Variants in EPHB6 observed in about 807,000 individuals in gnomAD.
EPHB6 encodes ephrin type-B receptor 6.
In EPHB6, 51 loss-of-function variants were observed where a neutral mutation model predicts 107.0. The ratio of observed to expected loss-of-function variants is 0.48; its 90% CI spans 0.38 to 0.60. EPHB6 has a LOEUF of 0.60. Ranked by LOEUF, EPHB6 falls within the 20% of genes least tolerant of loss-of-function variation. The pLI is 0.00. For synonymous variants in EPHB6, 553 were observed against 549.0 expected (o/e 1.01, Z -0.10); for missense variants, 1,141 against 1,355.5 (o/e 0.84, Z 2.48).
In EPHB6 at chr7:142,871,087, A is replaced by C; in HGVS notation, c.*183A>C. ...CTCCTCATTAAAGGGAAAGAAGGGA[A>C]TTTGCAGGTTTGGTGTGGTGAGGCC... On this transcript the variant is annotated 3_prime_UTR_variant, in exon 20 of 20. Coordinates refer to ENST00000652003, the MANE Select transcript of EPHB6 (RefSeq NM_004445.6). 2.9e-6 allele frequency: 2 copies of C among 695,120 alleles called. No individual in the cohort carries two copies. Among genetic ancestry groups the C allele is most frequent in the Non-Finnish European group, 5.0e-6 (2 of 396,300 alleles). 43.1% of individuals were successfully genotyped at this position (695,120 alleles called of 1,614,324 possible). A position where few individuals can be genotyped will look rare whatever the true frequency, so the allele number is the denominator to read the frequency against.
chr7:142,869,702 G>C lies in EPHB6; in HGVS notation c.2461-115G>C. The C allele has an allele frequency of 8.1e-7, 1 of 1,234,754 alleles. No individual in the cohort carries two copies. The highest frequency in any genetic ancestry group is 1.2e-6 in the Non-Finnish European group (1 of 861,046). 76.5% of individuals were successfully genotyped at this position (1,234,754 alleles called of 1,614,324 possible). A position where few individuals can be genotyped will look rare whatever the true frequency, so the allele number is the denominator to read the frequency against. ...ATCCACCTTAGAGGGTTGTTATGAG[G>C]ATTAAATGAGATGCTTGATGTAAAA... On this transcript the variant is annotated intron_variant, in intron 16 of 19. Transcript: ENST00000652003. This position sits in a 1 kb window ranked among gnomAD's most constrained non-coding sequence, Gnocchi z 4.5.
rs1056923656 is a variant in EPHB6, at chr7:142,868,845, C to T, written c.2286+106C>T. On this transcript the variant is annotated intron_variant, in intron 15 of 19. Coordinates refer to ENST00000652003, the MANE Select transcript of EPHB6 (RefSeq NM_004445.6). This position sits in a 1 kb window ranked among gnomAD's most constrained non-coding sequence, Gnocchi z 4.2. ...TTACCACCCCACCTTCCATGGTCTC[C>T]GTCCTTCCTTCCCAGCCATTTTCTG... 56 of 1,599,994 alleles carry T rather than the reference C, an allele frequency of 3.5e-5. 1 individual carries two copies. The highest frequency in any genetic ancestry group is 4.3e-5 in the Non-Finnish European group (51 of 1,174,092).
In EPHB6 at chr7:142,870,246, G is replaced by GC; in HGVS notation, c.2648dup (p.Pro884AlafsTer27). 2 of 1,614,200 alleles carry GC rather than the reference G, an allele frequency of 1.2e-6. No homozygotes were observed. The highest frequency in any genetic ancestry group is 2.2e-5 in the South Asian group (2 of 91,086). ...ATGCAATAGAGCAGGAGTTCCGGCT[G>GC]CCCCCGCCTCCAGGCTGTCCTCCTG... On this transcript the variant is annotated frameshift_variant, in exon 18 of 20. Coordinates refer to ENST00000652003, the MANE Select transcript of EPHB6 (RefSeq NM_004445.6). LOFTEE classifies it high-confidence loss of function.
rs1300962203 is a variant in EPHB6 at position 142,868,015 on chromosome 7, C to T, written c.1884C>T (p.Gly628=). The part of the protein sequence containing the change: ...VVFQRKRRGT[G]YTEQLQQYSS... ...TCCTCAGGAAGCGGCGTGGGACTGGCTACACAGAGCAGCTGCAGCAATACA... is the reference window on the plus strand; with the variant it reads ...TCCTCAGGAAGCGGCGTGGGACTGGTTACACAGAGCAGCTGCAGCAATACA... Residue 628 remains glycine (G), a synonymous_variant, in exon 13 of 20, where the codon GGC becomes GGT. Coordinates refer to ENST00000652003, the MANE Select transcript of EPHB6 (RefSeq NM_004445.6). The surrounding 1 kb of genome is among the most constrained non-coding windows in gnomAD (Gnocchi z 4.2). The T allele has an allele frequency of 6.3e-7, 1 of 1,586,514 alleles. No individual in the cohort carries two copies. Among genetic ancestry groups the T allele is most frequent in the Non-Finnish European group, 8.6e-7 (1 of 1,166,390 alleles).
Position 142,869,980 on chromosome 7 carries a change from T to C in EPHB6, c.2610+14T>C, listed in dbSNP as rs1423065989. 1 of 1,614,128 alleles carries C rather than the reference T, an allele frequency of 6.2e-7. No individual in the cohort carries two copies. ...AGTGAGCAGGAGGTGAGCACTGACC[T>C]AGACACTGCTGATTTCCCACCCCGA... On this transcript the variant is annotated intron_variant, in intron 17 of 19. Coordinates refer to ENST00000652003, the MANE Select transcript of EPHB6 (RefSeq NM_004445.6). The surrounding 1 kb of genome is among the most constrained non-coding windows in gnomAD (Gnocchi z 4.5).
intron 17 of EPHB6, 34 bp from the exon 18 acceptor site, chr7:142,870,180 C>A (rs372385748): frequency 3.1e-6 from 5 of 1,613,740 alleles, no homozygotes; most frequent in Non-Finnish European, 4.2e-6. Context: ...ACTAACAAAA[C>A]TTCCCATCGT....
Position 142,868,626 on chromosome 7 carries a change from G to T in EPHB6, c.2173G>T (p.Gly725Cys). 1 of 1,613,856 alleles carries T rather than the reference G, an allele frequency of 6.2e-7. No individual in the cohort carries two copies. Among genetic ancestry groups the T allele is most frequent in the Non-Finnish European group, 8.5e-7 (1 of 1,180,020 alleles). ...MTFLGRAAVL[G>C]QFQHPNILRL... ...CTTCCTGGGCCGGGCCGCAGTGCTG[G>T]GTCAGTTCCAGCACCCCAACATCCT... The change falls in exon 15 of 20, where the codon GGT (glycine) becomes TGT (cysteine). Residue 725 changes from glycine to cysteine, a missense_variant. This residue lies in a region of EPHB6 where 616 missense variants were observed against 759.3 expected (regional missense o/e 0.81). Transcript: ENST00000652003. The surrounding 1 kb of genome is among the most constrained non-coding windows in gnomAD (Gnocchi z 4.2).
chr7:142,864,311 TC>T lies in EPHB6; in HGVS notation c.513del (p.Ser172ProfsTer24). 6.2e-7 allele frequency: 1 copy of T among 1,613,184 alleles called. No individual in the cohort carries two copies. Among genetic ancestry groups the T allele is most frequent in the Non-Finnish European group, 8.5e-7 (1 of 1,179,932 alleles). On this transcript the variant is annotated frameshift_variant, in exon 7 of 20. Transcript: ENST00000652003. LOFTEE classifies it high-confidence loss of function. Reference protein sequence around the residue: ...DESFPSSSSSSSSSSSSAAWA... With the variant: ...DESFPSSSSSXSSSSSSAAWA... The stretch of plus-strand genomic sequence containing the variant: ...GAGCTTTCCCTCCTCCTCCTCCTCC[TC>T]CTCCTCCTCTTCTTCCTCTGCAGCG...
chr7:142,863,719 C>T (rs760550168), intron 6 of EPHB6, 24 bp downstream of exon 6: 76 of 1,611,454 alleles, frequency 4.7e-5, no homozygotes, highest in Non-Finnish European at 6.1e-5. Context: ...TAATTCTGAA[C>T]CTGAATCCCT....
intron 3 of EPHB6, 33 bp from the exon 4 acceptor site, chr7:142,862,723 C>T (rs1802900888): frequency 6.5e-6 from 1 of 154,436 alleles, no homozygotes; most frequent in African/African-American, 2.4e-5. Flanking sequence ...TAACCAGCTG[C>T]CTTTAATGAA....
chr7:142,858,499 G>C (rs775737145), intron 1 of EPHB6, among the ~76,000 whole-genome samples: 2 of 115,074 alleles, frequency 1.7e-5, no homozygotes, highest in Non-Finnish European at 3.2e-5. Flanking sequence ...GCAGTGGCAC[G>C]ATCTCGGCTC....
intron 1 of EPHB6, among the ~76,000 whole-genome samples, chr7:142,860,036 T>G (rs781461255): frequency 3.3e-5 from 5 of 152,260 alleles, no homozygotes. Context: ...AATATCTTGC[T>G]ATTCATCTTC....
At position 142,866,715 on chromosome 7, in the gene EPHB6, G is replaced by C. The variant is rs978146052; in HGVS notation, c.1587+110G>C. The C allele has an allele frequency of 7.4e-5, 118 of 1,600,008 alleles. No homozygotes were observed. Among genetic ancestry groups the C allele is most frequent in the Non-Finnish European group, 9.7e-5 (114 of 1,171,778 alleles). On this transcript the variant is annotated intron_variant, in intron 10 of 19. Transcript: ENST00000652003. This position sits in a 1 kb window ranked among gnomAD's most constrained non-coding sequence, Gnocchi z 5.2. ...CAGGAGGAATGAGGGGTCCGCAACA[G>C]GGCTGGCAGGAGCTCACAGTCCCCA...
At chr7:142,865,808 G>A (rs1368392939) in intron 8 of EPHB6, 152 bp from the exon 9 acceptor site, 4 of 1,125,544 alleles carry the variant, frequency 3.6e-6, no homozygotes, top group African/African-American at 3.1e-5. Context: ...CCTTCCCTGG[G>A]CCCACATCCT....
chr7:142,868,186 C>T lies in EPHB6; in HGVS notation c.1919-55C>T, dbSNP rs774097163. 5.0e-6 allele frequency: 8 copies of T among 1,613,914 alleles called. No homozygotes were observed. The highest frequency in any genetic ancestry group is 4.0e-5 in the African/African-American group (3 of 74,892). ...GAGGTAAGTGGGCATGTCTGGGGTG[C>T]GCGGGCAGCCCTGCCTTTCACAACA... On this transcript the variant is annotated intron_variant, in intron 13 of 19. Transcript: ENST00000652003. The surrounding 1 kb of genome is among the most constrained non-coding windows in gnomAD (Gnocchi z 4.2).
rs769390939 is a variant in EPHB6 at position 142,866,900 on chromosome 7, C to T, written c.1588-6C>T. 1 of 1,613,960 alleles carries T rather than the reference C, an allele frequency of 6.2e-7. No individual in the cohort carries two copies. The highest frequency in any genetic ancestry group is 8.5e-7 in the Non-Finnish European group (1 of 1,179,950). On this transcript the variant is annotated splice_polypyrimidine_tract_variant and splice_region_variant and intron_variant, in intron 10 of 19. Transcript: ENST00000652003. The surrounding 1 kb of genome is among the most constrained non-coding windows in gnomAD (Gnocchi z 5.2). ...CAGGCAGGGAGTGAGTGGCTGTTAC[C>T]CCCAGGCAGAAGACGAATCCCACTC...
intron 1 of EPHB6, 100 bp from the exon 2 acceptor site, chr7:142,860,951 CA>C (rs2116393593): frequency 6.6e-6 from 1 of 152,310 alleles, no homozygotes; most frequent in East Asian, 1.9e-4. Context: ...CCAGGAAAAA[CA>C]AATCACAACT....
Position 142,866,865 on chromosome 7 carries a change from A to C in EPHB6, c.1588-41A>C, listed in dbSNP as rs771992630. The C allele has an allele frequency of 6.2e-7, 1 of 1,613,862 alleles. No individual in the cohort carries two copies. The highest frequency in any genetic ancestry group is 1.7e-5 in the Admixed American group (1 of 60,004). On this transcript the variant is annotated intron_variant, in intron 10 of 19. Transcript: ENST00000652003. This position sits in a 1 kb window ranked among gnomAD's most constrained non-coding sequence, Gnocchi z 5.2. Reference sequence around the variant, plus strand: ...GGGCCTTAGGGGCAGAAGCAGGGGCAAGAGGGGGCCAGGCAGGGAGTGAGT... The same window carrying C: ...GGGCCTTAGGGGCAGAAGCAGGGGCCAGAGGGGGCCAGGCAGGGAGTGAGT...
At chr7:142,857,609 G>A (rs564909888) in intron 1 of EPHB6, among the ~76,000 whole-genome samples, 2 of 152,262 alleles carry the variant, frequency 1.3e-5, no homozygotes, top group Admixed American at 6.5e-5. Context: ...ATAAAACCTC[G>A]AACCGCTTTG....
Sources: allele counts gnomAD v4.1 joint callset (sites outside exome capture counted in the v4.1 genomes callset), GRCh38; gene constraint gnomAD v4.1.1; regional missense constraint gnomAD v4.1.1; non-coding constraint Gnocchi (gnomAD v3.1); transcripts MANE v1.5; gene names NCBI Gene and HGNC (gene_info 2026-07-23, HGNC 2026-07-21).